The following TTC6 variants were observed in gnomAD, a reference collection of about 807,000 sequenced individuals.
The protein encoded by TTC6 is tetratricopeptide repeat protein 6.
Under a neutral mutation model 210.4 loss-of-function variants are expected in TTC6, and 172 were observed. That is an observed-to-expected ratio of 0.82 (90% confidence interval 0.72 to 0.93). The LOEUF is 0.93. Among genes scored for constraint, TTC6 ranks in the 40% least tolerant of loss-of-function variants. The pLI is 0.00. For missense variants in TTC6, 2,414 were observed against 2,318.1 expected, an observed-to-expected ratio of 1.04 and a Z score of -0.85; for synonymous variants, 804 against 819.6, an observed-to-expected ratio of 0.98 and a Z score of 0.32.
intron 29 of TTC6, among the ~76,000 whole-genome samples, chr14:37,831,393 C>A (rs981028138): frequency 6.6e-6 from 1 of 152,110 alleles, no homozygotes; most frequent in African/African-American, 2.4e-5. Flanking sequence ...CCTGGGAGTG[C>A]AAATATTTCT....
chr14:37,727,096 T>C (rs1189648615), intron 7 of TTC6, among the ~76,000 whole-genome samples: 1 of 151,868 alleles, frequency 6.6e-6, no homozygotes, highest in Non-Finnish European at 1.5e-5. Flanking sequence ...AGATATATAA[T>C]ACATAATTCC....
rs576332827 is a variant in TTC6 at position 37,645,584 on chromosome 14, A to G, written c.939+22581A>G. Among the ~76,000 whole-genome samples the G allele has an allele frequency of 3.3e-5, 5 of 152,350 alleles. No individual in the cohort carries two copies. The East Asian group carries it at 5.8e-4, about 18-fold the overall frequency. ...TAAGTAAGATGATCAGAAAAGGACC[A>G]TAGGAGAACATCACATTGAGCAGAA... On this transcript the variant is annotated intron_variant, in intron 1 of 30. Transcript: ENST00000553443.
chr14:37,617,425 G>C (rs1050946029), upstream of TTC6, among the ~76,000 whole-genome samples: 4 of 152,154 alleles, frequency 2.6e-5, no homozygotes, highest in South Asian at 2.1e-4. Context: ...AGCTCAGAGA[G>C]AAACCTCTTC....
intron 8 of TTC6, among the ~76,000 whole-genome samples, chr14:37,736,442 A>G (rs968399215): frequency 6.6e-6 from 1 of 152,100 alleles, no homozygotes; most frequent in African/African-American, 2.4e-5. Context: ...TACTTTCTCA[A>G]ATATGCTGTT....
At chr14:37,792,354 T>A in exon 17 of TTC6, 2 of 1,533,086 alleles carry the variant, frequency 1.3e-6, no homozygotes, top group Non-Finnish European at 1.7e-6. Context: ...TTTCTGAGGC[T>A]ATTAGAATTG....
intron 9 of TTC6, 34 bp downstream of exon 11, chr14:37,737,768 G>T (rs1452410869): frequency 1.7e-6 from 2 of 1,189,766 alleles, no homozygotes; most frequent in Non-Finnish European, 2.3e-6. Flanking sequence ...CTCTCTAAAA[G>T]AAACATTTAT....
exon 1 of TTC6, chr14:37,622,818 GAGA>G (rs2095653938): frequency 2.0e-6 from 3 of 1,533,958 alleles, no homozygotes; most frequent in Non-Finnish European, 2.6e-6. Context: ...GGGAGAACAG[GAGA>G]GCTGGCCGCC....
At chr14:37,634,729 T>C (rs2095676706) in intron 1 of TTC6, among the ~76,000 whole-genome samples, 1 of 151,964 alleles carries the variant, frequency 6.6e-6, no homozygotes, top group Non-Finnish European at 1.5e-5. Context: ...TTTAAAGCAG[T>C]GAGAGAGAAA....
At chr14:37,737,695 T>C (rs2095905490) in exon 9 of TTC6, 2 of 1,525,848 alleles carry the variant, frequency 1.3e-6, no homozygotes, top group Admixed American at 2.0e-5. Flanking sequence ...CATTTGAAAG[T>C]ATCCAAAAAT....
chr14:37,699,878 A>AT (rs1207965491), intron 4 of TTC6, among the ~76,000 whole-genome samples: 4 of 152,108 alleles, frequency 2.6e-5, no homozygotes, highest in African/African-American at 4.8e-5. Flanking sequence ...ACTAAAGATG[A>AT]TTTTTCCAAT....
intron 14 of TTC6, among the ~76,000 whole-genome samples, chr14:37,758,693 T>C (rs543134591): frequency 8.7e-4 from 132 of 152,290 alleles, no homozygotes; most frequent in Non-Finnish European, 1.6e-3. Context: ...ACATTTAAGG[T>C]TAATATTGTG....
chr14:37,753,743 A>T (rs142653725), intron 14 of TTC6, among the ~76,000 whole-genome samples: 2 of 139,388 alleles, frequency 1.4e-5, no homozygotes, highest in Non-Finnish European at 3.1e-5. Context: ...TAATTTTTCA[A>T]TTTTTTTTTT....
chr14:37,685,610 T>C (rs944407122), intron 3 of TTC6, among the ~76,000 whole-genome samples: 1 of 152,224 alleles, frequency 6.6e-6, no homozygotes, highest in Non-Finnish European at 1.5e-5. Flanking sequence ...GATAAACTTA[T>C]GCTTTGTGTC....
intron 14 of TTC6, among the ~76,000 whole-genome samples, chr14:37,786,275 C>T (rs567085741): frequency 6.6e-6 from 1 of 152,208 alleles, no homozygotes; most frequent in Non-Finnish European, 1.5e-5. Context: ...GGGCTCCACC[C>T]AGTTCGAGTT....
intron 1 of TTC6, among the ~76,000 whole-genome samples, chr14:37,624,507 A>G (rs542733885): frequency 1.3e-5 from 2 of 152,304 alleles, no homozygotes; most frequent in African/African-American, 4.8e-5. Flanking sequence ...GTCCCATAAG[A>G]AAGATTGTAT....
chr14:37,599,991 C>T (rs75296259), intron 1 of TTC6, among the ~76,000 whole-genome samples: 1 of 152,182 alleles, frequency 6.6e-6, no homozygotes, highest in Non-Finnish European at 1.5e-5. Context: ...GATCCCCCTC[C>T]TGGGGAGCGC....
intron 2 of TTC6, among the ~76,000 whole-genome samples, chr14:37,614,146 G>A (rs1287280398): frequency 6.6e-6 from 1 of 151,948 alleles, no homozygotes; most frequent in African/African-American, 2.4e-5. Context: ...GATATGTTGT[G>A]TTTTCATTAT....
At chr14:37,840,894 A>C (rs1476089524) in intron 29 of TTC6, among the ~76,000 whole-genome samples, 2 of 133,748 alleles carry the variant, frequency 1.5e-5, no homozygotes, top group African/African-American at 5.8e-5. Flanking sequence ...TTTGAGATGG[A>C]GTCTTGCTCT....
chr14:37,598,189 G>T lies in TTC6; in HGVS notation c.-235+2181G>T, dbSNP rs1488807935. 2.0e-5 allele frequency among the ~76,000 whole-genome samples: 3 copies of T among 152,176 alleles called. No homozygotes were observed. The highest frequency in any genetic ancestry group is 4.4e-5 in the Non-Finnish European group (3 of 68,040). On this transcript the variant is annotated intron_variant, in intron 1 of 2. Transcript: ENST00000556845. This position sits in a 1 kb window ranked among gnomAD's most constrained non-coding sequence, Gnocchi z 4.9. ...AACTGTGCTTTGCAAGGATTGTGCT[G>T]CTCGTTGGAGGAAACCAGGCCTGTC...
Sources: gnomAD v4.1 joint callset for allele counts (sites outside exome capture counted in the v4.1 genomes callset) on GRCh38, gnomAD v4.1.1 for gene constraint, Gnocchi (gnomAD v3.1) non-coding constraint, MANE v1.5 for transcripts, NCBI Gene and HGNC (gene_info 2026-07-23, HGNC 2026-07-21) for gene names.